ALK: variants seen among roughly 807,000 people sequenced by gnomAD.
ALK encodes ALK tyrosine kinase receptor.
In ALK, 74 loss-of-function variants were observed where a neutral mutation model predicts 163.1. That is an observed-to-expected ratio of 0.45 (90% CI 0.38 to 0.55). The LOEUF (loss-of-function observed/expected upper bound fraction) is 0.55. Among genes scored for constraint, ALK ranks in the 20% least tolerant of loss-of-function variants. ALK has a pLI of 0.00. For synonymous variants in ALK, 960 were observed against 843.2 expected (o/e 1.14, Z -2.40); for missense variants, 2,063 against 2,105.3 (o/e 0.98, Z 0.39).
intron 1 of ALK, among the ~76,000 whole-genome samples, chr2:29,879,315 T>G (rs1322563576): frequency 6.6e-6 from 1 of 152,230 alleles, no homozygotes; most frequent in African/African-American, 2.4e-5. Context: ...ACCAAAGTGC[T>G]TGTGGTTGAT....
chr2:29,278,605 C>T (rs552178549), intron 9 of ALK, among the ~76,000 whole-genome samples: 3 of 152,320 alleles, frequency 2.0e-5, no homozygotes, highest in East Asian at 1.9e-4. Flanking sequence ...TAACCCTGGA[C>T]AAAGCCCAAG....
intron 1 of ALK, among the ~76,000 whole-genome samples, chr2:29,736,108 C>T (rs111445261): frequency 1.4e-4 from 21 of 152,140 alleles, no homozygotes; most frequent in African/African-American, 5.1e-4. Flanking sequence ...TGATCAAACT[C>T]TATATATGTA....
At chr2:29,489,533 C>G (rs1048249189) in intron 4 of ALK, among the ~76,000 whole-genome samples, 2 of 152,210 alleles carry the variant, frequency 1.3e-5, no homozygotes, top group African/African-American at 4.8e-5. Context: ...CTCCTGGGCT[C>G]AAGTGATTCT....
chr2:29,277,598 G>C (rs1665580335), intron 9 of ALK, among the ~76,000 whole-genome samples: 1 of 152,214 alleles, frequency 6.6e-6, no homozygotes, highest in Non-Finnish European at 1.5e-5. Context: ...TTGTAGCCGT[G>C]GCCAGCATCA....
chr2:29,682,693 G>A (rs1678112449), intron 3 of ALK, among the ~76,000 whole-genome samples: 1 of 152,184 alleles, frequency 6.6e-6, no homozygotes, highest in Non-Finnish European at 1.5e-5. Flanking sequence ...ATCCCAAGCT[G>A]TTGTTGCAGA....
intron 9 of ALK, among the ~76,000 whole-genome samples, chr2:29,288,341 T>C (rs1458839396): frequency 6.6e-6 from 1 of 152,216 alleles, no homozygotes; most frequent in Non-Finnish European, 1.5e-5. Context: ...GTTTTTCACT[T>C]GGGTCCTGAC....
At chr2:29,790,102 C>T (rs1301600282) in intron 1 of ALK, among the ~76,000 whole-genome samples, 1 of 152,170 alleles carries the variant, frequency 6.6e-6, no homozygotes, top group Non-Finnish European at 1.5e-5. Context: ...AATGAGATCA[C>T]ATTTGCAAAG....
chr2:29,281,923 C>T (rs1472291336), intron 9 of ALK, among the ~76,000 whole-genome samples: 11 of 152,224 alleles, frequency 7.2e-5, no homozygotes, highest in African/African-American at 2.4e-4. Context: ...GCCACCCTGC[C>T]AGCCTTAGGG....
intron 1 of ALK, among the ~76,000 whole-genome samples, chr2:29,882,704 G>A (rs1666896683): frequency 6.6e-6 from 1 of 152,144 alleles, no homozygotes; most frequent in Non-Finnish European, 1.5e-5. Context: ...CAACGAACTA[G>A]ATAATACCAA....
At chr2:29,459,383 T>C (rs1407185283) in intron 4 of ALK, among the ~76,000 whole-genome samples, 1 of 152,128 alleles carries the variant, frequency 6.6e-6, no homozygotes, top group Non-Finnish European at 1.5e-5. Context: ...CAATGGACAC[T>C]CCTCTGCTGC....
In ALK at chr2:29,564,397, T is replaced by C. The variant is rs190652016; in HGVS notation, c.953-32281A>G. Among the ~76,000 whole-genome samples the C allele has an allele frequency of 4.7e-3, 720 of 151,850 alleles. 10 individuals carry two copies. Among genetic ancestry groups the C allele is most frequent in the African/African-American group, 0.017 (695 of 41,350 alleles). On this transcript the variant is annotated intron_variant, in intron 3 of 28. Coordinates refer to ENST00000389048, the MANE Select transcript of ALK (RefSeq NM_004304.5). ...ATCTTCCAATAAAAATGAGTGAACA[T>C]AGAATATTCAACCCTGTGCCTTGCA... is the stretch of plus-strand genomic sequence containing the variant.
chr2:29,212,037 G>A (rs1471128261), intron 24 of ALK, among the ~76,000 whole-genome samples: 1 of 152,150 alleles, frequency 6.6e-6, no homozygotes, highest in Non-Finnish European at 1.5e-5. Flanking sequence ...GATGTCAAAA[G>A]GTCAGAGGAC....
intron 5 of ALK, among the ~76,000 whole-genome samples, chr2:29,343,617 G>C (rs746184243): frequency 1.3e-5 from 2 of 152,186 alleles, no homozygotes; most frequent in Non-Finnish European, 2.9e-5. Context: ...GTTTCTCCCT[G>C]CGCTGTGGTT....
intron 1 of ALK, among the ~76,000 whole-genome samples, chr2:29,894,653 G>C (rs1275964889): frequency 6.6e-6 from 1 of 152,018 alleles, no homozygotes. Context: ...TTCTAGTACA[G>C]AAAAATTAAA....
In ALK at chr2:29,222,528, C is replaced by G. The variant is rs1378239568; in HGVS notation, c.3439G>C (p.Val1147Leu). ...GAGCCACTTCTTACCTTCACAGCCA[C>G]TTGCAGGGGGCTTGGGTCGTTGGGC... ...GMPNDPSPLQVAVKTLPEVCS... is the reference protein window; with the variant it reads ...GMPNDPSPLQLAVKTLPEVCS... The change falls in exon 21 of 29, where the codon GTG (valine) becomes CTG (leucine). Residue 1147 changes from valine to leucine, a missense_variant. Val to Leu is a conservative substitution (Grantham distance 32). Transcript: ENST00000389048. 6.2e-7 allele frequency: 1 copy of G among 1,614,142 alleles called. No homozygotes were observed. Among genetic ancestry groups the G allele is most frequent in the Non-Finnish European group, 8.5e-7 (1 of 1,180,022 alleles).
At chr2:29,694,711 T>G (rs942455397) in intron 3 of ALK, 139 bp downstream of exon 3, 2 of 1,159,878 alleles carry the variant, frequency 1.7e-6, no homozygotes, top group Non-Finnish European at 1.3e-6. Context: ...CAAGAAGCCA[T>G]GGAAAGTCAC....
intron 1 of ALK, among the ~76,000 whole-genome samples, chr2:29,815,135 T>C (rs1664863871): frequency 6.6e-6 from 1 of 151,112 alleles, no homozygotes; most frequent in Non-Finnish European, 1.5e-5. Flanking sequence ...TGAAACTGTC[T>C]AAATTGAGTT....
intron 1 of ALK, among the ~76,000 whole-genome samples, chr2:29,722,268 A>T (rs1035051893): frequency 2.0e-5 from 3 of 152,192 alleles, no homozygotes; most frequent in Non-Finnish European, 4.4e-5. Flanking sequence ...TAACCAGCTG[A>T]TGATCAATAA....
At chr2:29,355,289 T>G (rs188895643) in intron 5 of ALK, among the ~76,000 whole-genome samples, 127 of 152,302 alleles carry the variant, frequency 8.3e-4, no homozygotes, top group African/African-American at 2.9e-3. Flanking sequence ...TATTTTCAGC[T>G]GGGAAAACAA....
Sources: gnomAD v4.1 joint callset for allele counts (sites outside exome capture counted in the v4.1 genomes callset) on GRCh38, gnomAD v4.1.1 for gene constraint, MANE v1.5 for transcripts, NCBI Gene and HGNC (gene_info 2026-07-23, HGNC 2026-07-21) for gene names.